PCDH15: variants seen among roughly 807,000 people sequenced by gnomAD.
The protein encoded by PCDH15 is protocadherin related 15.
PCDH15 carries 129 observed loss-of-function variants against 178.5 expected under a neutral mutation model. The observed-to-expected ratio is 0.72, with a 90% confidence interval of 0.63 to 0.84. PCDH15 has a LOEUF of 0.84. PCDH15 is among the 40% of genes least tolerant of loss of function. The pLI is 0.00. For synonymous variants in PCDH15, 800 were observed against 732.0 expected, an observed-to-expected ratio of 1.09 and a Z score of -1.50; for missense variants, 2,230 against 2,099.9, an observed-to-expected ratio of 1.06 and a Z score of -1.21.
At chr10:54,837,671 G>A (rs191211431) in intron 3 of PCDH15, among the ~76,000 whole-genome samples, 51 of 152,234 alleles carry the variant, frequency 3.4e-4, no homozygotes, top group Admixed American at 7.2e-4. Flanking sequence ...GATGATGTCA[G>A]CAAAATGGAA....
intron 2 of PCDH15, among the ~76,000 whole-genome samples, chr10:55,045,251 T>C (rs958368990): frequency 7.2e-5 from 11 of 152,128 alleles, no homozygotes; most frequent in African/African-American, 2.2e-4. Flanking sequence ...TCATGTCTTA[T>C]AGAACGTAGA....
chr10:54,743,848 C>G (rs1414692739), intron 1 of PCDH15, among the ~76,000 whole-genome samples: 3 of 151,992 alleles, frequency 2.0e-5, no homozygotes, highest in Non-Finnish European at 4.4e-5. Context: ...AGAAACCACT[C>G]TAACACAAGG....
At chr10:54,500,107 T>C (rs932313339) in intron 3 of PCDH15, among the ~76,000 whole-genome samples, 2 of 152,088 alleles carry the variant, frequency 1.3e-5, no homozygotes, top group Non-Finnish European at 1.5e-5. Flanking sequence ...TGGAATACTA[T>C]GCAGCCATTA....
At chr10:54,516,088 G>A (rs187353952) in intron 3 of PCDH15, among the ~76,000 whole-genome samples, 20 of 152,262 alleles carry the variant, frequency 1.3e-4, no homozygotes, top group African/African-American at 3.4e-4. Context: ...AAAGCAGAGC[G>A]CCTCTCCTCC....
intron 2 of PCDH15, among the ~76,000 whole-genome samples, chr10:55,038,278 T>C (rs2131973982): frequency 6.6e-6 from 1 of 152,326 alleles, no homozygotes; most frequent in African/African-American, 2.4e-5. Context: ...AAGAAAACTT[T>C]TATTTTCTCC....
intron 8 of PCDH15, among the ~76,000 whole-genome samples, chr10:54,293,702 C>G (rs1564886961): frequency 6.6e-6 from 1 of 152,112 alleles, no homozygotes; most frequent in Non-Finnish European, 1.5e-5. Flanking sequence ...ATGCAGCCAA[C>G]AGACACATGA....
At chr10:54,094,219 A>G (rs114147695) in intron 15 of PCDH15, among the ~76,000 whole-genome samples, 1,829 of 152,298 alleles carry the variant, frequency 0.012, 44 homozygotes, top group African/African-American at 0.042. Context: ...GCAGCAGTAA[A>G]CCACACAGAC....
intron 18 of PCDH15, among the ~76,000 whole-genome samples, chr10:54,052,558 A>G (rs1472458738): frequency 6.6e-6 from 1 of 152,152 alleles, no homozygotes; most frequent in Non-Finnish European, 1.5e-5. Flanking sequence ...CCCTCATTGT[A>G]TCTAGGAAGT....
intron 3 of PCDH15, among the ~76,000 whole-genome samples, chr10:54,846,122 G>C (rs919981555): frequency 7.2e-5 from 11 of 151,922 alleles, no homozygotes; most frequent in African/African-American, 2.7e-4. Context: ...TCCCCAATTT[G>C]CTTGTTGATA....
At chr10:54,521,109 GC>G (rs1254138979) in intron 3 of PCDH15, among the ~76,000 whole-genome samples, 2 of 151,420 alleles carry the variant, frequency 1.3e-5, no homozygotes, top group East Asian at 3.9e-4. Flanking sequence ...TATACCTAAT[GC>G]TAAATGATGA....
intron 2 of PCDH15, among the ~76,000 whole-genome samples, chr10:55,048,500 T>G (rs892419158): frequency 6.6e-6 from 1 of 151,916 alleles, no homozygotes; most frequent in Non-Finnish European, 1.5e-5. Context: ...TCTCATAGCA[T>G]TAATTGTTTT....
intron 1 of PCDH15, among the ~76,000 whole-genome samples, chr10:55,176,471 G>A (rs1169007017): frequency 6.6e-6 from 1 of 152,082 alleles, no homozygotes; most frequent in African/African-American, 2.4e-5. Context: ...TACCTGTCCA[G>A]ATCCATTGTA....
rs1232472979 is a variant in PCDH15, at chr10:54,121,326, C to G, written c.1917+11549G>C. 2.6e-5 allele frequency among the ~76,000 whole-genome samples: 4 copies of G among 152,108 alleles called. No homozygotes were observed. In the East Asian group the frequency reaches 7.7e-4, roughly 29 times the overall value. ...GAAGAACATTTATAGTGATAAATGC[C>G]TACCTCAAAAAGTTAGAAAGATCTC... On this transcript the variant is annotated intron_variant, in intron 15 of 37. Transcript: ENST00000644397.
In PCDH15 at chr10:53,822,823, CT is replaced by C. The variant is rs779400054; in HGVS notation, c.4368-2594del. 39 of 1,613,952 alleles carry C rather than the reference CT, an allele frequency of 2.4e-5. No homozygotes were observed. The South Asian group carries it at 4.1e-4, about 17-fold the overall frequency. The stretch of plus-strand genomic sequence containing the variant: ...TCACCTTGCCTTATTTCCTCTTTCT[CT>C]GTCAAATTTGCCTCTTCAGTTGTAA... On this transcript the variant is annotated intron_variant, in intron 32 of 37. Coordinates refer to ENST00000644397, the MANE Select transcript of PCDH15 (RefSeq NM_001384140.1).
chr10:54,209,944 A>C (rs2051234843), intron 10 of PCDH15, among the ~76,000 whole-genome samples: 1 of 152,092 alleles, frequency 6.6e-6, no homozygotes, highest in Non-Finnish European at 1.5e-5. Flanking sequence ...TTAGCCCTCA[A>C]TCATTTCTCA....
intron 2 of PCDH15, among the ~76,000 whole-genome samples, chr10:55,056,420 C>A (rs1841304791): frequency 6.6e-6 from 1 of 151,774 alleles, no homozygotes; most frequent in South Asian, 2.1e-4. Context: ...TTATTAAAAT[C>A]CTATTTTAAT....
chr10:54,371,588 T>C (rs959585719), intron 4 of PCDH15, among the ~76,000 whole-genome samples: 1 of 151,736 alleles, frequency 6.6e-6, no homozygotes, highest in Non-Finnish European at 1.5e-5. Flanking sequence ...TCAAAGCATG[T>C]TTTCACCATA....
intron 2 of PCDH15, among the ~76,000 whole-genome samples, chr10:55,084,432 T>A (rs1397759447): frequency 3.5e-5 from 5 of 144,882 alleles, no homozygotes; most frequent in Non-Finnish European, 7.4e-5. Context: ...TAAAAATTGA[T>A]TAAAGACTTA....
chr10:54,002,067 G>GTA (rs1183737133), intron 20 of PCDH15, among the ~76,000 whole-genome samples: 7 of 35,968 alleles, frequency 1.9e-4, no homozygotes, highest in African/African-American at 9.0e-4. Context: ...ATATATACAT[G>GTA]TATATATATA....
Sources: gnomAD v4.1 joint callset for allele counts (sites outside exome capture counted in the v4.1 genomes callset) on GRCh38, gnomAD v4.1.1 for gene constraint, MANE v1.5 for transcripts, NCBI Gene and HGNC (gene_info 2026-07-23, HGNC 2026-07-21) for gene names.